The following TOX3 variants were observed in gnomAD, a reference collection of about 807,000 sequenced individuals.
TOX3 encodes TOX high mobility group box family member 3.
A neutral mutation model predicts 64.3 loss-of-function variants in TOX3; 22 were observed. The ratio of observed to expected loss-of-function variants is 0.34; its 90% CI spans 0.24 to 0.49. The LOEUF (loss-of-function observed/expected upper bound fraction) is 0.49. Ranked by LOEUF, TOX3 falls within the 20% of genes least tolerant of loss-of-function variation. TOX3 has a pLI of 0.99. For synonymous variants in TOX3, 291 were observed against 273.6 expected (o/e 1.06, Z -0.63); for missense variants, 661 against 714.4 (o/e 0.93, Z 0.85).
chr16:52,511,883 A>AAGAATACT (rs1962321542), intron 1 of TOX3, among the ~76,000 whole-genome samples: 1 of 152,236 alleles, frequency 6.6e-6, no homozygotes, highest in Non-Finnish European at 1.5e-5. Flanking sequence ...TATAATTTCA[A>AAGAATACT]AGAATACTTA....
In TOX3 at chr16:52,463,965, T is replaced by C. The variant is rs1567319139; in HGVS notation, c.377A>G (p.Asp126Gly). 1 of 1,585,874 alleles carries C rather than the reference T, an allele frequency of 6.3e-7. No individual in the cohort carries two copies. The highest frequency in any genetic ancestry group is 8.6e-7 in the Non-Finnish European group (1 of 1,164,570). ...ITISRNLVEQ[D>G]GVLHSSGLHM... is the part of the protein sequence containing the mutation. Reference sequence around the variant, plus strand: ...CAACCCACTGCTATGAAGCACGCCATCTTGTTCCACGAGATTTCTTGAGAT... The same window carrying C: ...CAACCCACTGCTATGAAGCACGCCACCTTGTTCCACGAGATTTCTTGAGAT... Residue 126 changes from aspartate to glycine, a missense_variant, in exon 3 of 7, where the codon GAT becomes GGT. By Grantham distance (94) the Asp-to-Gly change is moderately conservative. Coordinates refer to ENST00000219746, the MANE Select transcript of TOX3 (RefSeq NM_001080430.4).
chr16:52,453,454 G>C (rs532581955), intron 3 of TOX3, among the ~76,000 whole-genome samples: 1 of 152,210 alleles, frequency 6.6e-6, no homozygotes, highest in East Asian at 1.9e-4. Flanking sequence ...AAAGTGCTGG[G>C]ATTACAGGCA....
At chr16:52,528,472 G>A (rs1747797445) in intron 1 of TOX3, among the ~76,000 whole-genome samples, 1 of 151,892 alleles carries the variant, frequency 6.6e-6, no homozygotes, top group Non-Finnish European at 1.5e-5. Flanking sequence ...CAGAAATGAT[G>A]ATGCTGAGAG....
intron 1 of TOX3, among the ~76,000 whole-genome samples, chr16:52,540,077 G>A (rs1027158426): frequency 5.9e-5 from 9 of 151,846 alleles, no homozygotes; most frequent in African/African-American, 1.5e-4. Flanking sequence ...CCAATCCACC[G>A]GTCCACTTAA....
rs115815279 is a variant in TOX3, at chr16:52,511,856, A to G, written c.87+34781T>C. 1.3e-3 allele frequency among the ~76,000 whole-genome samples: 202 copies of G among 152,340 alleles called. 2 individuals are homozygous for G. The highest frequency in any genetic ancestry group is 4.8e-3 in the African/African-American group (198 of 41,588). ...TGCATGGAGAAAAAATATTTAATGT[A>G]AAGTCATGTTTGCCTTTATAATTTC... On this transcript the variant is annotated intron_variant, in intron 1 of 6. Transcript: ENST00000219746.
chr16:52,488,249 C>T (rs1567331200), intron 1 of TOX3, among the ~76,000 whole-genome samples: 1 of 152,172 alleles, frequency 6.6e-6, no homozygotes, highest in Non-Finnish European at 1.5e-5. Context: ...AAATTCCATG[C>T]TTTCATCAGT....
In TOX3 at chr16:52,450,685, G is replaced by A. The variant is rs74934258; in HGVS notation, c.409-139C>T. 6,956 of 1,068,392 alleles carry A rather than the reference G, an allele frequency of 6.5e-3. 274 individuals carry two copies. In the African/African-American group the frequency reaches 0.092, roughly 14 times the overall value. 66.2% of individuals were successfully genotyped at this position (1,068,392 alleles called of 1,614,324 possible). A position where few individuals can be genotyped will look rare whatever the true frequency, so the allele number is the denominator to read the frequency against. On this transcript the variant is annotated intron_variant, in intron 3 of 6. Transcript: ENST00000219746. The stretch of plus-strand genomic sequence containing the variant: ...GACCTATTGCAGGATGATGGTCTCC[G>A]TTCATTTATTAAATATAAGGACCCA...
intron 1 of TOX3, among the ~76,000 whole-genome samples, chr16:52,492,480 T>C (rs1476975175): frequency 8.9e-6 from 1 of 112,812 alleles, no homozygotes; most frequent in Non-Finnish European, 1.8e-5. Flanking sequence ...GACCAATTTA[T>C]ATATATAATA....
intron 3 of TOX3, among the ~76,000 whole-genome samples, chr16:52,451,138 C>T (rs545276870): frequency 1.3e-5 from 2 of 152,324 alleles, no homozygotes; most frequent in South Asian, 2.1e-4. Context: ...TTAGGGCACC[C>T]TTTCTGTGAA....
intron 1 of TOX3, among the ~76,000 whole-genome samples, chr16:52,508,389 G>A (rs45610640): frequency 6.2e-4 from 95 of 152,294 alleles, no homozygotes; most frequent in Admixed American, 2.4e-3. Flanking sequence ...ACCCGCCCAT[G>A]ATAGCAAAGC....
chr16:52,486,330 A>G (rs975525989), intron 1 of TOX3, among the ~76,000 whole-genome samples: 17 of 152,216 alleles, frequency 1.1e-4, no homozygotes, highest in African/African-American at 2.9e-4. Flanking sequence ...AGAAGACTTC[A>G]CTAAAGAGAA....
intron 1 of TOX3, among the ~76,000 whole-genome samples, chr16:52,518,119 T>A (rs929687288): frequency 6.6e-6 from 1 of 152,182 alleles, no homozygotes; most frequent in Non-Finnish European, 1.5e-5. Context: ...AAGATGAGAT[T>A]CATTATTTTG....
chr16:52,453,372 C>T (rs1426129109), intron 3 of TOX3, among the ~76,000 whole-genome samples: 1 of 151,650 alleles, frequency 6.6e-6, no homozygotes, highest in East Asian at 1.9e-4. Flanking sequence ...TTAGTAGAGA[C>T]GGGGTTTCAC....
chr16:52,539,169 TG>T (rs1963023780), intron 1 of TOX3, among the ~76,000 whole-genome samples: 2 of 152,246 alleles, frequency 1.3e-5, no homozygotes, highest in Non-Finnish European at 2.9e-5. Flanking sequence ...ATGGCTAATA[TG>T]GTTTTAAATT....
Position 52,439,412 on chromosome 16 carries a change from T to C in TOX3, c.1544A>G (p.Gln515Arg). 3.8e-6 allele frequency: 6 copies of C among 1,569,256 alleles called. No homozygotes were observed. Among genetic ancestry groups the C allele is most frequent in the Non-Finnish European group, 5.2e-6 (6 of 1,153,486 alleles). Residue 515 changes from glutamine to arginine, a missense_variant, in exon 7 of 7, where the codon CAG (glutamine) becomes CGG (arginine). By Grantham distance (43) the Gln-to-Arg change is conservative. This residue lies in a region of TOX3 where 299 missense variants were observed against 292.1 expected (regional missense o/e 1.02). Coordinates refer to ENST00000219746, the MANE Select transcript of TOX3 (RefSeq NM_001080430.4). ...CTGCATGTGTTGCAGCTGCTGCAGC[T>C]GGAGGCGCTGCTGCAGCTGCTGCTG... ...QLQQQLQQRL[Q>R]LQQLQHMQHQ...
intron 1 of TOX3, among the ~76,000 whole-genome samples, chr16:52,489,721 C>A (rs1961624283): frequency 6.6e-6 from 1 of 152,066 alleles, no homozygotes; most frequent in African/African-American, 2.4e-5. Flanking sequence ...GACTTACTAC[C>A]AACTTATATT....
chr16:52,496,275 C>T (rs1961847862), intron 1 of TOX3, among the ~76,000 whole-genome samples: 1 of 152,300 alleles, frequency 6.6e-6, no homozygotes, highest in African/African-American at 2.4e-5. Context: ...AGATAAGATA[C>T]TGCATTATAC....
At chr16:52,478,892 T>G (rs968551237) in intron 1 of TOX3, among the ~76,000 whole-genome samples, 12 of 152,142 alleles carry the variant, frequency 7.9e-5, no homozygotes, top group Non-Finnish European at 1.5e-4. Flanking sequence ...GAGTTGGAAG[T>G]GAGAAGCCTG....
At chr16:52,452,690 AAAAG>A (rs1321382083) in intron 3 of TOX3, among the ~76,000 whole-genome samples, 1 of 151,970 alleles carries the variant, frequency 6.6e-6, no homozygotes, top group African/African-American at 2.4e-5. Context: ...AATAATAAAA[AAAAG>A]AAATGGAAAA....
Sources: gnomAD v4.1 joint callset for allele counts (sites outside exome capture counted in the v4.1 genomes callset) on GRCh38, gnomAD v4.1.1 for gene constraint, gnomAD v4.1.1 regional missense constraint, MANE v1.5 for transcripts, NCBI Gene and HGNC (gene_info 2026-07-23, HGNC 2026-07-21) for gene names.